MALRD1: variants seen among roughly 807,000 people sequenced by gnomAD.
MALRD1 encodes MAM and LDL receptor class A domain containing 1.
Under a neutral mutation model 242.1 loss-of-function variants are expected in MALRD1, and 247 were observed. The ratio of observed to expected loss-of-function variants is 1.02; its 90% CI spans 0.92 to 1.13. MALRD1 has a LOEUF of 1.13. Among genes scored for constraint, MALRD1 ranks in the 50% most tolerant of loss-of-function variants. The pLI is 0.00. For synonymous variants in MALRD1, 995 were observed against 866.6 expected (o/e 1.15, Z -2.60); for missense variants, 2,989 against 2,533.1 (o/e 1.18, Z -3.86).
chr10:19,331,071 A>C (rs1843340433), intron 23 of MALRD1, among the ~76,000 whole-genome samples: 1 of 152,144 alleles, frequency 6.6e-6, no homozygotes, highest in South Asian at 2.1e-4. Context: ...GAGAGCTGGC[A>C]AAGGCAGTAG....
chr10:19,709,651 G>A (rs1834018795), intron 38 of MALRD1, among the ~76,000 whole-genome samples: 1 of 152,044 alleles, frequency 6.6e-6, no homozygotes, highest in Admixed American at 6.5e-5. Context: ...AGTGTAACTT[G>A]GCATTAAATC....
At chr10:19,666,222 G>C (rs183045815) in intron 36 of MALRD1, among the ~76,000 whole-genome samples, 136 of 152,104 alleles carry the variant, frequency 8.9e-4, no homozygotes, top group African/African-American at 3.2e-3. Context: ...ATCATTCTTA[G>C]TCACCTAACC....
chr10:19,667,615 T>C (rs780442333), intron 36 of MALRD1, among the ~76,000 whole-genome samples: 10 of 138,258 alleles, frequency 7.2e-5, no homozygotes, highest in Non-Finnish European at 1.0e-4. Flanking sequence ...CTCTCTCTCT[T>C]GCTTACCACT....
chr10:19,127,165 C>T (rs957881912), intron 7 of MALRD1, among the ~76,000 whole-genome samples: 6 of 152,126 alleles, frequency 3.9e-5, no homozygotes, highest in African/African-American at 1.4e-4. Context: ...CATTGATGGG[C>T]ATTTGGGTTG....
In MALRD1 at chr10:19,250,309, A is replaced by G. The variant is rs551989462; in HGVS notation, c.2992-7375A>G. On this transcript the variant is annotated intron_variant, in intron 18 of 39. Coordinates refer to ENST00000454679, the MANE Select transcript of MALRD1 (RefSeq NM_001142308.3). ...TTCTTCACTTTTTTCTAAAATATCA[A>G]CCAGACTTTTTTCAATTAAATCATT... Among the ~76,000 whole-genome samples the G allele has an allele frequency of 4.6e-5, 7 of 152,080 alleles. No homozygotes were observed. The South Asian group carries it at 8.3e-4, about 18-fold the overall frequency.
At chr10:19,345,926 T>A (rs2130975353) in intron 24 of MALRD1, among the ~76,000 whole-genome samples, 1 of 152,128 alleles carries the variant, frequency 6.6e-6, no homozygotes, top group Middle Eastern at 3.4e-3. Flanking sequence ...AAAACTCGTA[T>A]GTTTTCTTTT....
intron 19 of MALRD1, among the ~76,000 whole-genome samples, chr10:19,260,699 A>G (rs956898037): frequency 1.3e-5 from 2 of 152,174 alleles, no homozygotes; most frequent in Admixed American, 6.5e-5. Context: ...TGCCTGGTCC[A>G]TCATAGGTGA....
chr10:19,696,344 T>C (rs1833377359), intron 38 of MALRD1, among the ~76,000 whole-genome samples: 1 of 152,164 alleles, frequency 6.6e-6, no homozygotes, highest in Admixed American at 6.5e-5. Context: ...ATAACATTTT[T>C]AGAAATTAAA....
At chr10:19,203,970 T>A (rs1836666998) in intron 15 of MALRD1, 90 bp downstream of exon 15, 1 of 1,427,148 alleles carries the variant, frequency 7.0e-7, no homozygotes, top group Admixed American at 2.0e-5. Flanking sequence ...GGTTCTGTGA[T>A]AACTACAACA....
intron 31 of MALRD1, among the ~76,000 whole-genome samples, chr10:19,517,137 T>A (rs1347890669): frequency 6.6e-6 from 1 of 152,184 alleles, no homozygotes; most frequent in Non-Finnish European, 1.5e-5. Context: ...GATCCTAATA[T>A]CAATTGGATA....
intron 36 of MALRD1, among the ~76,000 whole-genome samples, chr10:19,657,188 A>G (rs1013540363): frequency 5.3e-5 from 8 of 152,080 alleles, no homozygotes; most frequent in Non-Finnish European, 1.0e-4. Flanking sequence ...CTCCCTAATT[A>G]GCTAATTCAG....
intron 26 of MALRD1, among the ~76,000 whole-genome samples, chr10:19,367,068 A>G (rs957087889): frequency 6.6e-6 from 1 of 152,184 alleles, no homozygotes; most frequent in African/African-American, 2.4e-5. Flanking sequence ...TGATCAGATC[A>G]GGGTAATTTG....
At chr10:19,664,619 A>C (rs1841594474) in intron 36 of MALRD1, among the ~76,000 whole-genome samples, 1 of 152,020 alleles carries the variant, frequency 6.6e-6, no homozygotes, top group Admixed American at 6.6e-5. Context: ...CGTCTAAGGA[A>C]GGAAAAAGAT....
At chr10:19,305,980 A>C (rs1474586964) in intron 21 of MALRD1, among the ~76,000 whole-genome samples, 1 of 125,792 alleles carries the variant, frequency 7.9e-6, no homozygotes, top group African/African-American at 3.0e-5. Context: ...TATGCTATAT[A>C]TTATATATAC....
intron 31 of MALRD1, among the ~76,000 whole-genome samples, chr10:19,509,623 G>A (rs1833303527): frequency 2.0e-5 from 3 of 152,136 alleles, no homozygotes; most frequent in Non-Finnish European, 4.4e-5. Flanking sequence ...GAACTCACAA[G>A]GTACAGTATC....
intron 29 of MALRD1, among the ~76,000 whole-genome samples, chr10:19,474,895 A>AT (rs1564372972): frequency 3.3e-5 from 5 of 152,200 alleles, no homozygotes. Flanking sequence ...AGGAAAAAAA[A>AT]CCTAGAAAAA....
rs187712885 is a variant in MALRD1 at position 19,546,709 on chromosome 10, A to G, written c.5478+15358A>G. Among the ~76,000 whole-genome samples, 309 of 152,200 alleles carry G rather than the reference A, an allele frequency of 2.0e-3. 2 individuals carry two copies. The highest frequency in any genetic ancestry group is 3.4e-3 in the Middle Eastern group (1 of 294). On this transcript the variant is annotated intron_variant, in intron 32 of 39. Transcript: ENST00000454679. ...GCAAATGCCTCAGTTCTGTTTATGT[A>G]TTTTCATCAAAAAGTTTCCATTTGA...
chr10:19,261,444 C>T (rs141989597), intron 19 of MALRD1, among the ~76,000 whole-genome samples: 2,380 of 118,652 alleles, frequency 0.02, 27 homozygotes, highest in Non-Finnish European at 0.029. Context: ...TTGAGCTCTA[C>T]GTAAAAAAAA....
At chr10:19,126,037 T>C (rs1181567952) in intron 7 of MALRD1, among the ~76,000 whole-genome samples, 1 of 152,058 alleles carries the variant, frequency 6.6e-6, no homozygotes, top group Non-Finnish European at 1.5e-5. Context: ...ATTTATCTGG[T>C]CATACAATTT....
Sources: allele counts gnomAD v4.1 joint callset (sites outside exome capture counted in the v4.1 genomes callset), GRCh38; gene constraint gnomAD v4.1.1; transcripts MANE v1.5; gene names NCBI Gene and HGNC (gene_info 2026-07-23, HGNC 2026-07-21).